Variants in WDR70 observed in about 807,000 individuals in gnomAD.
WDR70 encodes WD repeat domain 70.
In WDR70, 53 loss-of-function variants were observed where a neutral mutation model predicts 88.6. That is an observed-to-expected ratio of 0.60 (90% CI 0.48 to 0.75). The LOEUF (loss-of-function observed/expected upper bound fraction) is 0.75, where lower values mean the gene tolerates loss of function less well. WDR70 is among the 30% of genes least tolerant of loss of function. The pLI is 0.00. For synonymous variants in WDR70, 280 were observed against 270.0 expected, an observed-to-expected ratio of 1.04 and a Z score of -0.36; for missense variants, 610 against 823.2, an observed-to-expected ratio of 0.74 and a Z score of 3.17.
intron 10 of WDR70, among the ~76,000 whole-genome samples, chr5:37,685,986 A>G: frequency 6.6e-6 from 1 of 152,100 alleles, no homozygotes; most frequent in Non-Finnish European, 1.5e-5. Context: ...CGTGCCAGTC[A>G]TCCTGGTTCC....
intron 17 of WDR70, among the ~76,000 whole-genome samples, chr5:37,734,733 A>C (rs189599514): frequency 6.6e-5 from 10 of 152,226 alleles, no homozygotes; most frequent in Admixed American, 2.0e-4. Flanking sequence ...GGAGTGAGCC[A>C]TGCAAATACC....
intron 10 of WDR70, among the ~76,000 whole-genome samples, chr5:37,646,616 G>A (rs1745246573): frequency 1.3e-5 from 2 of 152,064 alleles, no homozygotes. Flanking sequence ...CATGTTTGAA[G>A]GATATTTTCA....
intron 13 of WDR70, among the ~76,000 whole-genome samples, chr5:37,709,318 T>C (rs1747444981): frequency 1.3e-5 from 2 of 152,238 alleles, no homozygotes; most frequent in Admixed American, 1.3e-4. Flanking sequence ...AATAACATGA[T>C]ATCAGCTTAA....
chr5:37,584,296 A>AATG (rs1743303828), intron 9 of WDR70, among the ~76,000 whole-genome samples: 1 of 152,216 alleles, frequency 6.6e-6, no homozygotes, highest in Non-Finnish European at 1.5e-5. Flanking sequence ...TTCATTATCA[A>AATG]ACACATTTTG....
chr5:37,662,085 A>C (rs969487114), intron 10 of WDR70, among the ~76,000 whole-genome samples: 1 of 152,222 alleles, frequency 6.6e-6, no homozygotes, highest in South Asian at 2.1e-4. Context: ...GACAACTTAA[A>C]GGTTAGAAGC....
At chr5:37,563,709 A>G (rs1265496322) in intron 9 of WDR70, among the ~76,000 whole-genome samples, 1 of 96,530 alleles carries the variant, frequency 1.0e-5, no homozygotes, top group Non-Finnish European at 2.2e-5. Flanking sequence ...CGGGGGGCTG[A>G]CCCCCACCTC....
At chr5:37,725,964 C>G (rs1469641733) in intron 16 of WDR70, among the ~76,000 whole-genome samples, 1 of 152,148 alleles carries the variant, frequency 6.6e-6, no homozygotes, top group South Asian at 2.1e-4. Flanking sequence ...TTACTTCTTT[C>G]CTGCTCTGAT....
At chr5:37,679,357 A>G (rs7723202) in intron 10 of WDR70, among the ~76,000 whole-genome samples, 74,364 of 148,198 alleles carry the variant, frequency 0.5, 18,758 homozygotes, top group Admixed American at 0.57. Context: ...CCCCATCTTT[A>G]TGGTTTTATC....
intron 3 of WDR70, among the ~76,000 whole-genome samples, chr5:37,382,991 C>T (rs13161114): frequency 5.4e-5 from 8 of 149,162 alleles, no homozygotes; most frequent in African/African-American, 1.5e-4. Flanking sequence ...CCAGCCTGGG[C>T]GACAAAAGCA....
chr5:37,602,393 G>T (rs1038062930), intron 9 of WDR70, among the ~76,000 whole-genome samples: 1 of 151,806 alleles, frequency 6.6e-6, no homozygotes, highest in Non-Finnish European at 1.5e-5. Flanking sequence ...CAGATCGCTT[G>T]AGGCCAGAAG....
intron 10 of WDR70, among the ~76,000 whole-genome samples, chr5:37,647,899 T>C (rs10075851): frequency 0.1 from 15,926 of 152,062 alleles, 2,691 homozygotes; most frequent in African/African-American, 0.36. Context: ...AGAGAGAGTG[T>C]GGGGGTGCAG....
chr5:37,615,798 T>C (rs1431046577), intron 10 of WDR70, among the ~76,000 whole-genome samples: 1 of 152,220 alleles, frequency 6.6e-6, no homozygotes, highest in Non-Finnish European at 1.5e-5. Flanking sequence ...TTTAGAATAT[T>C]CTTTGCCTCC....
chr5:37,694,414 C>T (rs2112644925), intron 10 of WDR70, among the ~76,000 whole-genome samples: 1 of 152,280 alleles, frequency 6.6e-6, no homozygotes, highest in East Asian at 1.9e-4. Flanking sequence ...TTAATTGCGG[C>T]ACTATTCACA....
At chr5:37,658,962 G>A (rs1207521244) in intron 10 of WDR70, among the ~76,000 whole-genome samples, 2 of 152,136 alleles carry the variant, frequency 1.3e-5, no homozygotes, top group Admixed American at 6.5e-5. Context: ...AAGGGGTCTA[G>A]GCAGTTTGCA....
Position 37,711,350 on chromosome 5 carries a change from G to A in WDR70, c.1416+8263G>A, listed in dbSNP as rs567131276. Among the ~76,000 whole-genome samples, 7 of 152,186 alleles carry A rather than the reference G, an allele frequency of 4.6e-5. No individual in the cohort carries two copies. In the East Asian group the frequency reaches 7.7e-4, roughly 17 times the overall value. ...CTCTTGCCTACCTGCACACTACGAC[G>A]TAACTCTCCTGTATAAAAATTAGAC... On this transcript the variant is annotated intron_variant, in intron 13 of 17. Coordinates refer to ENST00000265107, the MANE Select transcript of WDR70 (RefSeq NM_018034.4).
chr5:37,499,714 T>C (rs1406659973), intron 8 of WDR70, among the ~76,000 whole-genome samples: 1 of 150,724 alleles, frequency 6.6e-6, no homozygotes, highest in Non-Finnish European at 1.5e-5. Context: ...CCACCGCTCC[T>C]GGCTAATGTT....
intron 5 of WDR70, among the ~76,000 whole-genome samples, chr5:37,421,817 G>C (rs372213279): frequency 2.6e-5 from 4 of 151,746 alleles, no homozygotes; most frequent in East Asian, 3.8e-4. Flanking sequence ...TATTGCCACT[G>C]ACATCCTAGA....
chr5:37,635,218 C>A (rs1168997289), intron 10 of WDR70, among the ~76,000 whole-genome samples: 6 of 152,144 alleles, frequency 3.9e-5, no homozygotes, highest in Admixed American at 3.9e-4. Flanking sequence ...GATGCATATC[C>A]TTACTGAAAT....
chr5:37,633,726 A>C (rs2112528796), intron 10 of WDR70, among the ~76,000 whole-genome samples: 1 of 152,296 alleles, frequency 6.6e-6, no homozygotes, highest in South Asian at 2.1e-4. Flanking sequence ...TTAACAGCAA[A>C]ATACATGATA....
Sources: gnomAD v4.1 joint callset for allele counts (sites outside exome capture counted in the v4.1 genomes callset) on GRCh38, gnomAD v4.1.1 for gene constraint, MANE v1.5 for transcripts, NCBI Gene and HGNC (gene_info 2026-07-23, HGNC 2026-07-21) for gene names.